Variants in FCHSD2 observed in about 807,000 individuals in gnomAD.
FCHSD2 encodes the protein FCH and double SH3 domains 2.
FCHSD2 carries 38 observed loss-of-function variants against 108.1 expected under a neutral mutation model. The observed-to-expected ratio is 0.35, with a 90% CI of 0.27 to 0.46. The LOEUF (loss-of-function observed/expected upper bound fraction) is 0.46, where lower values mean the gene tolerates loss of function less well. FCHSD2 is among the 20% of genes least tolerant of loss of function. The probability of loss-of-function intolerance (pLI) is 1.00; values close to 1 mark genes in which losing one functional copy is unlikely to be tolerated. For missense variants in FCHSD2, 751 were observed against 897.8 expected (o/e 0.84, Z 2.09); for synonymous variants, 279 against 314.7 (o/e 0.89, Z 1.20).
chr11:72,920,589 C>T (rs1855959302), intron 9 of FCHSD2, among the ~76,000 whole-genome samples: 1 of 152,012 alleles, frequency 6.6e-6, no homozygotes, highest in Non-Finnish European at 1.5e-5. Flanking sequence ...AAAATAACAA[C>T]AACAACAACA....
intron 5 of FCHSD2, among the ~76,000 whole-genome samples, chr11:72,989,928 G>A (rs1286779140): frequency 6.6e-6 from 1 of 152,170 alleles, no homozygotes; most frequent in Non-Finnish European, 1.5e-5. Flanking sequence ...CACTGGTGAA[G>A]GACTATTGTG....
At chr11:72,940,630 C>T in intron 8 of FCHSD2, 5 of 1,443,016 alleles carry the variant, frequency 3.5e-6, no homozygotes, top group Non-Finnish European at 3.9e-6. Flanking sequence ...CCCCACCCAG[C>T]CTGATAAAGC....
chr11:72,916,348 C>CCA (rs1855874319), intron 9 of FCHSD2, among the ~76,000 whole-genome samples: 2 of 140,444 alleles, frequency 1.4e-5, no homozygotes. Flanking sequence ...CTTGCTCTGT[C>CCA]ACCCAGGCTA....
chr11:73,015,609 A>G (rs1565369000), intron 4 of FCHSD2, among the ~76,000 whole-genome samples, 200 bp downstream of exon 4: 1 of 152,166 alleles, frequency 6.6e-6, no homozygotes, highest in South Asian at 2.1e-4. Context: ...AAAATGATCT[A>G]TTTTATATAG....
intron 8 of FCHSD2, among the ~76,000 whole-genome samples, chr11:72,960,604 T>C (rs899314014): frequency 1.1e-4 from 17 of 152,194 alleles, no homozygotes; most frequent in African/African-American, 3.9e-4. Context: ...ATTAATTTCT[T>C]ACAACTGACA....
At chr11:73,141,734 A>T in intron 1 of FCHSD2, 123 bp downstream of exon 1, 1 of 1,073,618 alleles carries the variant, frequency 9.3e-7, no homozygotes, top group African/African-American at 1.6e-5. Context: ...CAAGTCGGTG[A>T]CAAGCCCAAG....
At chr11:72,925,922 G>C (rs1177005719) in intron 8 of FCHSD2, among the ~76,000 whole-genome samples, 1 of 152,276 alleles carries the variant, frequency 6.6e-6, no homozygotes, top group South Asian at 2.1e-4. Flanking sequence ...CACCCTCCTG[G>C]GACTGGCTAC....
intron 3 of FCHSD2, among the ~76,000 whole-genome samples, chr11:73,053,977 G>A (rs534187953): frequency 6.6e-6 from 1 of 152,134 alleles, no homozygotes; most frequent in Non-Finnish European, 1.5e-5. Context: ...TTACAAAAAT[G>A]TCCATCTACA....
intron 13 of FCHSD2, among the ~76,000 whole-genome samples, chr11:72,858,402 T>C (rs1861481841): frequency 6.6e-6 from 1 of 152,108 alleles, no homozygotes; most frequent in South Asian, 2.1e-4. Context: ...ATAAAGAAAA[T>C]GTGGTACATA....
chr11:72,891,964 A>G (rs889231894), intron 10 of FCHSD2, among the ~76,000 whole-genome samples: 1 of 152,228 alleles, frequency 6.6e-6, no homozygotes, highest in Non-Finnish European at 1.5e-5. Flanking sequence ...TACTGTTCAT[A>G]AGAAAATCCA....
chr11:72,975,517 G>A (rs891801156), intron 8 of FCHSD2, among the ~76,000 whole-genome samples: 12 of 152,118 alleles, frequency 7.9e-5, no homozygotes, highest in African/African-American at 2.4e-4. Flanking sequence ...ATTTGGAAAT[G>A]TTCTCAACAC....
At chr11:72,970,549 T>C (rs1305808929) in intron 8 of FCHSD2, among the ~76,000 whole-genome samples, 1 of 152,172 alleles carries the variant, frequency 6.6e-6, no homozygotes, top group Non-Finnish European at 1.5e-5. Flanking sequence ...TCAACCTCAC[T>C]TAAAAACTAT....
chr11:73,099,073 G>A (rs546538806), intron 2 of FCHSD2, among the ~76,000 whole-genome samples: 227 of 152,044 alleles, frequency 1.5e-3, no homozygotes, highest in Non-Finnish European at 2.9e-3. Flanking sequence ...TTAATTAGTC[G>A]GAGGTAGTGG....
chr11:73,109,133 A>T (rs1326540693), intron 2 of FCHSD2, among the ~76,000 whole-genome samples: 3 of 152,090 alleles, frequency 2.0e-5, no homozygotes, highest in Non-Finnish European at 4.4e-5. Context: ...TTTGTAGTAT[A>T]ATTTGAAGTC....
chr11:73,034,248 G>A (rs565958524), intron 3 of FCHSD2, among the ~76,000 whole-genome samples: 2 of 151,898 alleles, frequency 1.3e-5, no homozygotes, highest in East Asian at 1.9e-4. Context: ...TCCCCTTTAA[G>A]GTTTTTCTTT....
chr11:72,999,462 G>A (rs1270131686), intron 5 of FCHSD2, among the ~76,000 whole-genome samples: 2 of 151,862 alleles, frequency 1.3e-5, no homozygotes, highest in Non-Finnish European at 2.9e-5. Flanking sequence ...TGGAACTACA[G>A]GTGCACGCCA....
chr11:73,055,015 G>C (rs952333078), intron 3 of FCHSD2, among the ~76,000 whole-genome samples: 4 of 152,096 alleles, frequency 2.6e-5, no homozygotes, highest in African/African-American at 9.7e-5. Context: ...CACGTGGCTG[G>C]GGAGGCCTCA....
chr11:72,988,662 C>A (rs1275042561), intron 6 of FCHSD2, among the ~76,000 whole-genome samples: 1 of 152,168 alleles, frequency 6.6e-6, no homozygotes, highest in Admixed American at 6.5e-5. Context: ...GACACCATAG[C>A]AGTGACTTCA....
At chr11:72,984,970 G>A in intron 7 of FCHSD2, 92 bp downstream of exon 7, 1 of 623,040 alleles carries the variant, frequency 1.6e-6, no homozygotes, top group African/African-American at 1.9e-5. Context: ...CTCTAAGGTA[G>A]AAATAATCCA....
Sources: allele counts gnomAD v4.1 joint callset (sites outside exome capture counted in the v4.1 genomes callset), GRCh38; gene constraint gnomAD v4.1.1; transcripts MANE v1.5; gene names NCBI Gene and HGNC (gene_info 2026-07-23, HGNC 2026-07-21).